The following KIF6 variants were observed in gnomAD, a reference collection of about 807,000 sequenced individuals.
KIF6 encodes the protein kinesin family member 6.
Under a neutral mutation model 112.7 loss-of-function variants are expected in KIF6, and 106 were observed. The observed-to-expected ratio is 0.94, with a 90% confidence interval of 0.80 to 1.11. The LOEUF is 1.11. Among genes scored for constraint, KIF6 ranks in the 50% least tolerant of loss-of-function variants. The pLI, the probability that KIF6 is intolerant of heterozygous loss-of-function variation, is 0.00. For missense variants in KIF6, 929 were observed against 964.0 expected, an observed-to-expected ratio of 0.96 and a Z score of 0.48; for synonymous variants, 339 against 339.9, an observed-to-expected ratio of 1.00 and a Z score of 0.03.
intron 2 of KIF6, among the ~76,000 whole-genome samples, chr6:39,715,465 C>A (rs1789785375): frequency 6.6e-6 from 1 of 151,106 alleles, no homozygotes; most frequent in South Asian, 2.1e-4. Flanking sequence ...TACTGGATTG[C>A]AAGCACAGTG....
At position 39,342,092 on chromosome 6, in the gene KIF6, C is replaced by T. The variant is rs1581620612; in HGVS notation, c.2428+1617G>A. ...GCTCTTGCTCCCTGCCCTCCAGCCA[C>T]TCTAGCTTCCTTCCCACCCTGTGGC... is the stretch of plus-strand genomic sequence containing the variant. On this transcript the variant is annotated intron_variant, in intron 22 of 22. Coordinates refer to ENST00000287152, the MANE Select transcript of KIF6 (RefSeq NM_145027.6). This position sits in a 1 kb window ranked among gnomAD's most constrained non-coding sequence, Gnocchi z 4.7. 2.0e-5 allele frequency among the ~76,000 whole-genome samples: 3 copies of T among 152,222 alleles called. No homozygotes were observed. The South Asian group carries it at 6.2e-4, about 32-fold the overall frequency.
intron 22 of KIF6, among the ~76,000 whole-genome samples, chr6:39,339,946 C>T (rs534684945): frequency 1.3e-5 from 2 of 152,290 alleles, no homozygotes; most frequent in African/African-American, 2.4e-5. Context: ...ACCAAGGCAG[C>T]GCTGTGAGCT....
At chr6:39,627,400 G>A (rs1784146766) in intron 5 of KIF6, among the ~76,000 whole-genome samples, 1 of 152,006 alleles carries the variant, frequency 6.6e-6, no homozygotes, top group Non-Finnish European at 1.5e-5. Flanking sequence ...TATCCTCTCT[G>A]CTACGAGTTC....
At chr6:39,701,117 T>C (rs1788852603) in intron 3 of KIF6, among the ~76,000 whole-genome samples, 2 of 152,266 alleles carry the variant, frequency 1.3e-5, no homozygotes, top group African/African-American at 4.8e-5. Flanking sequence ...ATATGTTTTA[T>C]TGCGATGTTA....
chr6:39,656,088 C>A (rs146983268), intron 3 of KIF6, among the ~76,000 whole-genome samples: 3 of 152,150 alleles, frequency 2.0e-5, no homozygotes, highest in Non-Finnish European at 4.4e-5. Context: ...TAGTGTTGAC[C>A]CATTCATGTT....
rs541774797 is a variant in KIF6, at chr6:39,642,629, TCAGTGGCAAGTGTTTAA to T, written c.252-2889_252-2873del. On this transcript the variant is annotated intron_variant, in intron 3 of 22. Transcript: ENST00000287152. ...CCTCGGGGTGTTTGTTGAAAAAAAA[TCAGTGGCAAGTGTTTAA>T]CATCACAGCTGGCAAAGCTGCAATG... Among the ~76,000 whole-genome samples the T allele has an allele frequency of 1.0e-2, 1,519 of 152,098 alleles. 10 individuals carry two copies. The highest frequency in any genetic ancestry group is 0.023 in the Admixed American group (353 of 15,272).
chr6:39,451,768 G>T (rs1473311557), intron 13 of KIF6, among the ~76,000 whole-genome samples: 1 of 152,140 alleles, frequency 6.6e-6, no homozygotes, highest in Non-Finnish European at 1.5e-5. Flanking sequence ...GGCATTCCAG[G>T]TGATAAAAAC....
chr6:39,712,075 T>G (rs1190100915), intron 3 of KIF6, among the ~76,000 whole-genome samples: 3 of 148,934 alleles, frequency 2.0e-5, no homozygotes, highest in African/African-American at 7.4e-5. Flanking sequence ...AATTAGGGAG[T>G]ATAATAAAGA....
At chr6:39,522,855 C>T (rs1441658520) in intron 13 of KIF6, among the ~76,000 whole-genome samples, 2 of 152,146 alleles carry the variant, frequency 1.3e-5, no homozygotes, top group African/African-American at 4.8e-5. Flanking sequence ...GCCTTTGGTC[C>T]TCTTTTCCTC....
intron 3 of KIF6, among the ~76,000 whole-genome samples, chr6:39,668,074 C>T (rs1046623335): frequency 2.7e-5 from 4 of 149,452 alleles, no homozygotes; most frequent in South Asian, 2.1e-4. Context: ...CTTCACCTTC[C>T]GCCATGATTG....
At chr6:39,459,533 T>C (rs1280804715) in intron 13 of KIF6, among the ~76,000 whole-genome samples, 1 of 11,932 alleles carries the variant, frequency 8.4e-5, no homozygotes. Context: ...GGTATCTAAT[T>C]AAACTAAAGA....
chr6:39,674,279 G>A (rs142506239), intron 3 of KIF6, among the ~76,000 whole-genome samples: 2 of 152,076 alleles, frequency 1.3e-5, no homozygotes, highest in Admixed American at 6.6e-5. Flanking sequence ...AAATTCAACT[G>A]GTATGTCTAT....
chr6:39,515,362 C>T (rs1777015787), intron 13 of KIF6, among the ~76,000 whole-genome samples: 1 of 152,172 alleles, frequency 6.6e-6, no homozygotes, highest in Admixed American at 6.5e-5. Flanking sequence ...ACGGACCTTT[C>T]CCTGGCATTT....
intron 13 of KIF6, among the ~76,000 whole-genome samples, chr6:39,523,364 T>C (rs1350922444): frequency 6.6e-6 from 1 of 152,004 alleles, no homozygotes; most frequent in East Asian, 1.9e-4. Flanking sequence ...AATATGGCCA[T>C]GCTACTTTTC....
chr6:39,438,530 T>A (rs1021368960), intron 13 of KIF6, among the ~76,000 whole-genome samples: 5 of 151,736 alleles, frequency 3.3e-5, no homozygotes, highest in Non-Finnish European at 5.9e-5. Flanking sequence ...TTAAAAAAAA[T>A]GAAAAATTTT....
chr6:39,391,563 T>C (rs186271347), intron 15 of KIF6, among the ~76,000 whole-genome samples: 12 of 152,300 alleles, frequency 7.9e-5, no homozygotes, highest in Admixed American at 7.8e-4. Flanking sequence ...TTACTGGAGT[T>C]GATTCTGGAT....
intron 13 of KIF6, among the ~76,000 whole-genome samples, chr6:39,498,485 C>G (rs1370988971): frequency 1.3e-5 from 2 of 152,178 alleles, no homozygotes; most frequent in Non-Finnish European, 1.5e-5. Context: ...GACTGCTTCA[C>G]AATTTCTTCC....
chr6:39,622,307 T>C (rs1054842187), intron 5 of KIF6, among the ~76,000 whole-genome samples: 3 of 152,148 alleles, frequency 2.0e-5, no homozygotes, highest in Non-Finnish European at 4.4e-5. Flanking sequence ...TTTCTTATAT[T>C]TATTAGGCAA....
At chr6:39,695,242 T>C (rs945993508) in intron 3 of KIF6, among the ~76,000 whole-genome samples, 5 of 152,106 alleles carry the variant, frequency 3.3e-5, no homozygotes, top group African/African-American at 1.2e-4. Flanking sequence ...AATACCCTTC[T>C]AGACACTGGC....
Sources: gnomAD v4.1 joint callset for allele counts (sites outside exome capture counted in the v4.1 genomes callset) on GRCh38, gnomAD v4.1.1 for gene constraint, Gnocchi (gnomAD v3.1) non-coding constraint, MANE v1.5 for transcripts, NCBI Gene and HGNC (gene_info 2026-07-23, HGNC 2026-07-21) for gene names.